The following SUCLG2 variants were observed in gnomAD, a reference collection of about 807,000 sequenced individuals.
The protein encoded by SUCLG2 is succinate--CoA ligase [GDP-forming] subunit beta, mitochondrial.
SUCLG2 carries 42 observed loss-of-function variants against 47.9 expected under a neutral mutation model. The observed-to-expected ratio is 0.88, with a 90% CI of 0.69 to 1.14. The LOEUF (loss-of-function observed/expected upper bound fraction) is 1.14. SUCLG2 is among the 50% of genes most tolerant of loss of function. The probability of loss-of-function intolerance (pLI) is 0.00; values close to 1 mark genes in which losing one functional copy is unlikely to be tolerated. For missense variants in SUCLG2, 571 were observed against 525.9 expected (o/e 1.09, Z -0.84); for synonymous variants, 195 against 197.3 (o/e 0.99, Z 0.10).
intron 9 of SUCLG2, among the ~76,000 whole-genome samples, chr3:67,443,234 G>A (rs1334426940): frequency 6.6e-6 from 1 of 152,070 alleles, no homozygotes; most frequent in Non-Finnish European, 1.5e-5. Flanking sequence ...CTGCAAGGGA[G>A]TCTGGAACCA....
At chr3:67,564,512 T>C (rs1707400433) in intron 2 of SUCLG2, among the ~76,000 whole-genome samples, 1 of 152,226 alleles carries the variant, frequency 6.6e-6, no homozygotes, top group South Asian at 2.1e-4. Context: ...GGACATGAGT[T>C]ACTAAATAAA....
chr3:67,375,496 C>A lies in SUCLG2; in HGVS notation c.*248G>T. 8.3e-7 allele frequency: 1 copy of A among 1,203,412 alleles called. No homozygotes were observed. The allele number at this position is 1,203,412 out of a possible 1,614,324, so 74.5% of individuals were successfully genotyped here. A position where few individuals can be genotyped will look rare whatever the true frequency, so the allele number is the denominator to read the frequency against. On this transcript the variant is annotated 3_prime_UTR_variant, in exon 11 of 11. Transcript: ENST00000307227. ...CTCCCCAAAGTCTGCAAAACACTGCCTACTGGGCAGGCTTACAGTGACAGA... is the reference window on the plus strand; with the variant it reads ...CTCCCCAAAGTCTGCAAAACACTGCATACTGGGCAGGCTTACAGTGACAGA...
At chr3:67,409,022 T>C in intron 9 of SUCLG2, 1 of 1,535,358 alleles carries the variant, frequency 6.5e-7, no homozygotes, top group Non-Finnish European at 8.7e-7. Context: ...TTTCTTGCTT[T>C]CAAATTTTGC....
chr3:67,556,454 G>A (rs894021084), intron 2 of SUCLG2, among the ~76,000 whole-genome samples: 1 of 152,188 alleles, frequency 6.6e-6, no homozygotes, highest in Non-Finnish European at 1.5e-5. Context: ...TGATATGGGA[G>A]ATGTCTATAT....
chr3:67,564,325 G>A (rs1448830555), intron 2 of SUCLG2, among the ~76,000 whole-genome samples: 2 of 151,796 alleles, frequency 1.3e-5, no homozygotes, highest in East Asian at 1.9e-4. Flanking sequence ...CCCTCCCCTC[G>A]CTATTAATAG....
chr3:67,608,461 A>G (rs1322687296), intron 2 of SUCLG2, among the ~76,000 whole-genome samples: 1 of 152,140 alleles, frequency 6.6e-6, no homozygotes, highest in Non-Finnish European at 1.5e-5. Context: ...ATTAGTTAAC[A>G]TGGATCACAA....
chr3:67,619,430 A>G (rs1700690774), intron 1 of SUCLG2, among the ~76,000 whole-genome samples: 1 of 152,208 alleles, frequency 6.6e-6, no homozygotes, highest in South Asian at 2.1e-4. Context: ...CCCTTTAACT[A>G]GGCAGTGCTG....
chr3:67,640,193 A>T (rs565370465), intron 1 of SUCLG2, among the ~76,000 whole-genome samples: 1 of 152,218 alleles, frequency 6.6e-6, no homozygotes, highest in African/African-American at 2.4e-5. Context: ...ACTCACTGGT[A>T]TTGGATGCTG....
At chr3:67,554,019 A>G (rs1707092265) in intron 2 of SUCLG2, among the ~76,000 whole-genome samples, 1 of 152,204 alleles carries the variant, frequency 6.6e-6, no homozygotes, top group Admixed American at 6.5e-5. Flanking sequence ...CAGTAACTAA[A>G]TACTTTTGAA....
chr3:67,612,478 GCTGGA>G (rs938249371), intron 1 of SUCLG2, among the ~76,000 whole-genome samples: 2 of 152,134 alleles, frequency 1.3e-5, no homozygotes, highest in Non-Finnish European at 2.9e-5. Context: ...TAGAAAGTAC[GCTGGA>G]AATGTAATAT....
chr3:67,615,621 A>AACACACACACACACACACACACAC (rs60992383), intron 1 of SUCLG2, among the ~76,000 whole-genome samples: 114 of 142,158 alleles, frequency 8.0e-4, no homozygotes, highest in African/African-American at 2.8e-3. Context: ...CACAAACACA[A>AACACACACACACACACACACACAC]ACACACACAC....
chr3:67,578,552 G>A (rs1707803301), intron 2 of SUCLG2, among the ~76,000 whole-genome samples: 1 of 152,036 alleles, frequency 6.6e-6, no homozygotes, highest in Non-Finnish European at 1.5e-5. Flanking sequence ...GAGGGGACAG[G>A]GCAATGAGGC....
chr3:67,470,645 G>C (rs1262247879), intron 9 of SUCLG2, among the ~76,000 whole-genome samples: 1 of 152,118 alleles, frequency 6.6e-6, no homozygotes, highest in African/African-American at 2.4e-5. Flanking sequence ...TTCACTTTCT[G>C]CCATGGGATA....
chr3:67,609,861 T>C (rs1289417672), intron 1 of SUCLG2, among the ~76,000 whole-genome samples: 1 of 152,230 alleles, frequency 6.6e-6, no homozygotes, highest in Non-Finnish European at 1.5e-5. Flanking sequence ...TAGTTAACAG[T>C]AATACACAAA....
intron 10 of SUCLG2, among the ~76,000 whole-genome samples, chr3:67,381,203 TAAAA>T (rs1702150945): frequency 2.8e-5 from 1 of 35,292 alleles, no homozygotes; most frequent in Admixed American, 2.4e-4. Context: ...AATAAATAAA[TAAAA>T]TAAAATAAAA....
At chr3:67,573,178 A>G (rs1353125350) in intron 2 of SUCLG2, among the ~76,000 whole-genome samples, 15 of 152,166 alleles carry the variant, frequency 9.9e-5, no homozygotes, top group Admixed American at 9.8e-4. Context: ...ATAAATGGAG[A>G]GCTATTCCAT....
chr3:67,436,153 C>T (rs1262788989), intron 9 of SUCLG2, among the ~76,000 whole-genome samples: 1 of 152,076 alleles, frequency 6.6e-6, no homozygotes, highest in Non-Finnish European at 1.5e-5. Flanking sequence ...ACCAAAGGCT[C>T]AAAAGTGAGA....
chr3:67,572,670 C>G (rs1352125480), intron 2 of SUCLG2, among the ~76,000 whole-genome samples: 1 of 152,104 alleles, frequency 6.6e-6, no homozygotes, highest in Non-Finnish European at 1.5e-5. Flanking sequence ...CACCACACCA[C>G]AGACTACAGG....
At chr3:67,479,303 CA>C (rs1363642766) in intron 9 of SUCLG2, among the ~76,000 whole-genome samples, 1 of 147,920 alleles carries the variant, frequency 6.8e-6, no homozygotes, top group Non-Finnish European at 1.5e-5. Context: ...AAAAAAAAAA[CA>C]ACAAAAGAAA....
Sources: gnomAD v4.1 joint callset for allele counts (sites outside exome capture counted in the v4.1 genomes callset) on GRCh38, gnomAD v4.1.1 for gene constraint, MANE v1.5 for transcripts, NCBI Gene and HGNC (gene_info 2026-07-23, HGNC 2026-07-21) for gene names.